Variants in YAE1 observed in about 807,000 individuals in gnomAD.
The protein encoded by YAE1 is protein YAE1 homolog.
YAE1 carries 22 observed loss-of-function variants against 23.0 expected under a neutral mutation model. The observed-to-expected ratio is 0.96, with a 90% CI of 0.68 to 1.37. The LOEUF (loss-of-function observed/expected upper bound fraction) is 1.37, where lower values mean the gene tolerates loss of function less well. Among genes scored for constraint, YAE1 ranks in the 40% most tolerant of loss-of-function variants. The probability of loss-of-function intolerance (pLI) is 0.00; values close to 1 mark genes in which losing one functional copy is unlikely to be tolerated. For missense variants in YAE1, 260 were observed against 262.1 expected (o/e 0.99, Z 0.06); for synonymous variants, 101 against 97.0 (o/e 1.04, Z -0.24).
chr7:39,591,896 C>G (rs1790905354), intron 2 of YAE1, among the ~76,000 whole-genome samples: 1 of 152,176 alleles, frequency 6.6e-6, no homozygotes, highest in African/African-American at 2.4e-5. Flanking sequence ...TGTATTTTTG[C>G]CTTTTCCGGA....
At position 39,598,412 on chromosome 7, in the gene YAE1, G is replaced by GTTTT. The variant is rs3038990; in HGVS notation, c.252-11191_252-11188dup. 9.0e-3 allele frequency among the ~76,000 whole-genome samples: 1,266 copies of GTTTT among 140,928 alleles called. 15 individuals are homozygous for GTTTT. Among genetic ancestry groups the GTTTT allele is most frequent in the African/African-American group, 0.031 (1,190 of 38,210 alleles). 92.5% of individuals were successfully genotyped at this position (140,928 alleles called of 152,430 possible). A position where few individuals can be genotyped will look rare whatever the true frequency, so the allele number is the denominator to read the frequency against. ...GCATAAGCCACCGCACCTGGGCCAA[G>GTTTT]TTTTTTTTTTTTTTTTTAAGGAAGT... On this transcript the variant is annotated intron_variant, in intron 2 of 2. Transcript: ENST00000432096.
chr7:39,596,924 A>G (rs1041426737), intron 2 of YAE1, among the ~76,000 whole-genome samples: 28 of 152,260 alleles, frequency 1.8e-4, no homozygotes, highest in Admixed American at 1.8e-3. Flanking sequence ...ATTTCAAGGG[A>G]AAGATTTTAG....
downstream of YAE1, among the ~76,000 whole-genome samples, chr7:39,576,935 C>G (rs1466043471): frequency 6.6e-6 from 1 of 152,124 alleles, no homozygotes; most frequent in East Asian, 1.9e-4. Context: ...ACTCCTGTTG[C>G]CCAAGCTGGA....
Position 39,572,759 on chromosome 7 carries a change from A to T in YAE1, c.*53A>T. The T allele has an allele frequency of 6.6e-7, 1 of 1,517,560 alleles. No homozygotes were observed. Among genetic ancestry groups the T allele is most frequent in the Non-Finnish European group, 8.8e-7 (1 of 1,138,452 alleles). The allele number at this position is 1,517,560 out of a possible 1,614,324, so 94.0% of individuals were successfully genotyped here. A position where few individuals can be genotyped will look rare whatever the true frequency, so the allele number is the denominator to read the frequency against. On this transcript the variant is annotated 3_prime_UTR_variant, in exon 3 of 3. Transcript: ENST00000223273. Reference sequence around the variant, plus strand: ...AATGTTCAGAACATTTGGTTTCCTAACAATCGAAATTTGTACTGGTTTCTG... The same window carrying T: ...AATGTTCAGAACATTTGGTTTCCTATCAATCGAAATTTGTACTGGTTTCTG...
chr7:39,570,355 T>A (rs1170672068), intron 1 of YAE1, 151 bp from the exon 2 acceptor site: 1 of 882,694 alleles, frequency 1.1e-6, no homozygotes, highest in East Asian at 2.5e-5. Context: ...AGAAGCATAG[T>A]CTGCTTTAGT....
At chr7:39,569,919 T>C (rs1246789398) in intron 1 of YAE1, 3 of 1,251,498 alleles carry the variant, frequency 2.4e-6, no homozygotes, top group African/African-American at 1.5e-5. Flanking sequence ...TATTGTAAAC[T>C]GTCCAGTCAG....
intron 2 of YAE1, among the ~76,000 whole-genome samples, chr7:39,605,568 G>A (rs1264565183): frequency 6.6e-6 from 1 of 152,148 alleles, no homozygotes; most frequent in Non-Finnish European, 1.5e-5. Context: ...GGGGTCTTGA[G>A]CCAGCTGTTT....
intron 2 of YAE1, among the ~76,000 whole-genome samples, chr7:39,597,133 A>T (rs1790986694): frequency 1.3e-5 from 2 of 152,266 alleles, no homozygotes; most frequent in African/African-American, 4.8e-5. Flanking sequence ...TGGCTTCTTC[A>T]TAGTAAAAAA....
intron 2 of YAE1, among the ~76,000 whole-genome samples, chr7:39,596,280 C>T (rs1241204076): frequency 6.6e-6 from 1 of 152,118 alleles, no homozygotes; most frequent in Non-Finnish European, 1.5e-5. Context: ...CTGCAACCTC[C>T]GCCTACCAAT....
At chr7:39,579,052 A>G (rs530727647) in intron 2 of YAE1, among the ~76,000 whole-genome samples, 3 of 152,368 alleles carry the variant, frequency 2.0e-5, no homozygotes, top group East Asian at 3.9e-4. Context: ...CATAGTTCTA[A>G]TAACAGTAAG....
downstream of YAE1, chr7:39,572,918 A>G (rs1006789556): frequency 4.3e-6 from 5 of 1,154,150 alleles, no homozygotes; most frequent in Admixed American, 4.2e-5. Context: ...TAGTTTTAAG[A>G]TATGGTCAGA....
At chr7:39,600,346 C>T (rs956627570) in intron 2 of YAE1, among the ~76,000 whole-genome samples, 6 of 151,852 alleles carry the variant, frequency 4.0e-5, no homozygotes, top group African/African-American at 7.3e-5. Context: ...ATGGGATGGG[C>T]CCCTAATCTA....
intron 2 of YAE1, among the ~76,000 whole-genome samples, chr7:39,605,545 C>A (rs1791117499): frequency 6.6e-6 from 1 of 152,312 alleles, no homozygotes; most frequent in Middle Eastern, 3.4e-3. Flanking sequence ...TGAATTGAAA[C>A]ACTGGCTGTT....
chr7:39,576,835 CCAGAA>C (rs1446590110), downstream of YAE1, among the ~76,000 whole-genome samples: 1 of 152,140 alleles, frequency 6.6e-6, no homozygotes, highest in African/African-American at 2.4e-5. Context: ...GGAAATATAA[CCAGAA>C]CAGGAGAACA....
downstream of YAE1, among the ~76,000 whole-genome samples, chr7:39,577,838 A>G (rs936025027): frequency 2.0e-5 from 3 of 152,266 alleles, no homozygotes; most frequent in Non-Finnish European, 4.4e-5. Context: ...TGCAGGATCC[A>G]CGAGGTGAAG....
intron 2 of YAE1, among the ~76,000 whole-genome samples, chr7:39,589,629 A>G (rs1204741060): frequency 6.6e-6 from 1 of 152,202 alleles, no homozygotes; most frequent in Non-Finnish European, 1.5e-5. Context: ...ACTATTACTA[A>G]TAGAAAGATA....
intron 2 of YAE1, among the ~76,000 whole-genome samples, chr7:39,598,237 G>A (rs1173734862): frequency 1.3e-5 from 2 of 151,928 alleles, no homozygotes; most frequent in Admixed American, 6.6e-5. Flanking sequence ...AGCCTCCAGA[G>A]TAGCTGGAAT....
At chr7:39,570,011 T>C in intron 1 of YAE1, 3 of 1,351,396 alleles carry the variant, frequency 2.2e-6, no homozygotes, top group Non-Finnish European at 3.2e-6. Flanking sequence ...CCATTCCGGT[T>C]AATGGTTTTG....
At chr7:39,591,517 G>C (rs561278037) in intron 2 of YAE1, among the ~76,000 whole-genome samples, 1 of 151,584 alleles carries the variant, frequency 6.6e-6, no homozygotes, top group Non-Finnish European at 1.5e-5. Context: ...TTTTAAAATA[G>C]ACTTTATTTT....
Sources: allele counts gnomAD v4.1 joint callset (sites outside exome capture counted in the v4.1 genomes callset), GRCh38; gene constraint gnomAD v4.1.1; transcripts MANE v1.5; gene names NCBI Gene and HGNC (gene_info 2026-07-23, HGNC 2026-07-21).